FAM227B: variants seen among roughly 807,000 people sequenced by gnomAD.
FAM227B encodes the protein family with sequence similarity 227 member B.
A neutral mutation model predicts 73.8 loss-of-function variants in FAM227B; 88 were observed. That is an observed-to-expected ratio of 1.19 (90% CI 1.00 to 1.42). The LOEUF is 1.42. Ranked by LOEUF, FAM227B falls within the 40% of genes most tolerant of loss-of-function variation. The probability of loss-of-function intolerance (pLI) is 0.00; values close to 1 mark genes in which losing one functional copy is unlikely to be tolerated. For synonymous variants in FAM227B, 210 were observed against 190.5 expected (o/e 1.10, Z -0.84); for missense variants, 632 against 590.9 (o/e 1.07, Z -0.72).
chr15:49,329,219 A>AT (rs2038115336), intron 15 of FAM227B: 2 of 986,406 alleles, frequency 2.0e-6, no homozygotes, highest in South Asian at 4.7e-5. Flanking sequence ...TTGTAATGGT[A>AT]TTGATGGGTA....
At position 49,429,610 on chromosome 15, in the gene FAM227B, C is replaced by T. The variant is rs548359103; in HGVS notation, c.1013-58211G>A. Among the ~76,000 whole-genome samples, 37 of 152,018 alleles carry T rather than the reference C, an allele frequency of 2.4e-4. 1 individual carries two copies. The South Asian group carries it at 7.7e-3, about 31-fold the overall frequency. ...TAGATATATTGAAAGGGTTGCCTTT[C>T]TACATTTTTCTATCTCTCAACCTTG... On this transcript the variant is annotated intron_variant, in intron 11 of 15. Transcript: ENST00000299338.
intron 9 of FAM227B, among the ~76,000 whole-genome samples, chr15:49,549,302 C>CG (rs78856399): frequency 0.33 from 49,390 of 150,472 alleles, 8,836 homozygotes; most frequent in African/African-American, 0.46. Context: ...ATTTTCTTCT[C>CG]TTATTGATTT....
At chr15:49,467,685 A>G (rs2054386643) in intron 11 of FAM227B, among the ~76,000 whole-genome samples, 1 of 152,178 alleles carries the variant, frequency 6.6e-6, no homozygotes, top group South Asian at 2.1e-4. Context: ...TAGCAGATGT[A>G]AATAGTCTAC....
intron 10 of FAM227B, among the ~76,000 whole-genome samples, chr15:49,538,755 T>A (rs1490431629): frequency 6.6e-6 from 1 of 152,040 alleles, no homozygotes. Flanking sequence ...GTCTATTGCA[T>A]TTTTCATTTC....
At chr15:49,433,030 T>G (rs1031799518) in intron 11 of FAM227B, among the ~76,000 whole-genome samples, 2 of 151,522 alleles carry the variant, frequency 1.3e-5, no homozygotes, top group Non-Finnish European at 3.0e-5. Context: ...GGAGCAAAAT[T>G]TGTTGCTATT....
chr15:49,361,894 C>A (rs1031949002), intron 13 of FAM227B, among the ~76,000 whole-genome samples: 5 of 152,130 alleles, frequency 3.3e-5, no homozygotes, highest in Non-Finnish European at 7.4e-5. Flanking sequence ...TCTCTGCAAC[C>A]TCTCCAGAAT....
chr15:49,557,753 G>A (rs1244557593), intron 9 of FAM227B, among the ~76,000 whole-genome samples: 1 of 152,180 alleles, frequency 6.6e-6, no homozygotes, highest in African/African-American at 2.4e-5. Context: ...TCCCGGACAT[G>A]AGAGATATTC....
chr15:49,540,330 A>G (rs1369977692), intron 10 of FAM227B, among the ~76,000 whole-genome samples: 2 of 152,020 alleles, frequency 1.3e-5, no homozygotes, highest in Non-Finnish European at 2.9e-5. Context: ...GATATTCCCC[A>G]TCTTTCTTTG....
intron 10 of FAM227B, among the ~76,000 whole-genome samples, chr15:49,513,782 T>C (rs1257498264): frequency 2.0e-5 from 3 of 152,174 alleles, no homozygotes; most frequent in Non-Finnish European, 2.9e-5. Context: ...ATATAAGGTA[T>C]AAGGAAGGGG....
At chr15:49,360,558 G>C (rs1422609848) in intron 13 of FAM227B, among the ~76,000 whole-genome samples, 1 of 125,482 alleles carries the variant, frequency 8.0e-6, no homozygotes, top group Non-Finnish European at 1.8e-5. Flanking sequence ...GCTTGAGGTG[G>C]CTTATAAAAA....
At chr15:49,336,494 G>A (rs755633380) in intron 13 of FAM227B, among the ~76,000 whole-genome samples, 8 of 152,134 alleles carry the variant, frequency 5.3e-5, no homozygotes, top group Admixed American at 1.3e-4. Flanking sequence ...AAGATATAGG[G>A]GATGAACTGT....
intron 11 of FAM227B, among the ~76,000 whole-genome samples, chr15:49,475,844 C>T (rs1387380337): frequency 1.3e-5 from 2 of 151,982 alleles, no homozygotes; most frequent in African/African-American, 2.4e-5. Flanking sequence ...AAAAATTAGG[C>T]GGTCGTGGTG....
At chr15:49,365,392 A>G in intron 13 of FAM227B, 1 of 1,135,296 alleles carries the variant, frequency 8.8e-7, no homozygotes, top group Admixed American at 1.7e-5. Context: ...TATACGAAGA[A>G]CCAGTCTAAA....
intron 11 of FAM227B, among the ~76,000 whole-genome samples, chr15:49,417,066 G>C (rs1305758733): frequency 3.3e-5 from 5 of 152,078 alleles, no homozygotes; most frequent in Non-Finnish European, 7.4e-5. Context: ...AACCATAAAA[G>C]AGCCTGAAGA....
intron 2 of FAM227B, among the ~76,000 whole-genome samples, chr15:49,612,646 A>AGAG (rs2078019370): frequency 6.6e-6 from 1 of 152,218 alleles, no homozygotes; most frequent in Non-Finnish European, 1.5e-5. Flanking sequence ...GGCAAAAATA[A>AGAG]GAGGAATTCA....
At chr15:49,509,476 G>A (rs943846459) in intron 10 of FAM227B, among the ~76,000 whole-genome samples, 12 of 152,076 alleles carry the variant, frequency 7.9e-5, no homozygotes, top group Non-Finnish European at 1.3e-4. Context: ...CACAAGGGGC[G>A]CAAAAGTCAT....
chr15:49,508,766 T>TA (rs947820886), intron 10 of FAM227B, among the ~76,000 whole-genome samples: 15 of 152,338 alleles, frequency 9.8e-5, no homozygotes, highest in African/African-American at 3.6e-4. Context: ...TGTTTTTAGA[T>TA]ACAGTTATCA....
At chr15:49,586,360 T>C (rs1490470204) in intron 5 of FAM227B, among the ~76,000 whole-genome samples, 2 of 152,076 alleles carry the variant, frequency 1.3e-5, no homozygotes, top group East Asian at 3.8e-4. Flanking sequence ...AACTGGACCT[T>C]TTCCTTGCAC....
intron 13 of FAM227B, chr15:49,366,088 T>C: frequency 1.2e-6 from 1 of 858,424 alleles, no homozygotes; most frequent in Non-Finnish European, 2.0e-6. Context: ...TTGTCACTGC[T>C]TTCAAGTTTT....
Sources: allele counts gnomAD v4.1 joint callset (sites outside exome capture counted in the v4.1 genomes callset), GRCh38; gene constraint gnomAD v4.1.1; transcripts MANE v1.5; gene names NCBI Gene and HGNC (gene_info 2026-07-23, HGNC 2026-07-21).